Variants in RAP1GAP2 observed in about 807,000 individuals in gnomAD.
RAP1GAP2 encodes RAP1 GTPase activating protein 2.
RAP1GAP2 carries 27 observed loss-of-function variants against 95.0 expected under a neutral mutation model. That is an observed-to-expected ratio of 0.28 (90% CI 0.21 to 0.39). RAP1GAP2 has a LOEUF of 0.39. Among genes scored for constraint, RAP1GAP2 ranks in the 10% least tolerant of loss-of-function variants. The pLI is 1.00. For missense variants in RAP1GAP2, 771 were observed against 970.0 expected, an observed-to-expected ratio of 0.79 and a Z score of 2.72; for synonymous variants, 373 against 380.9, an observed-to-expected ratio of 0.98 and a Z score of 0.24.
chr17:2,823,763 A>G (rs779365392), intron 2 of RAP1GAP2, among the ~76,000 whole-genome samples: 2 of 152,188 alleles, frequency 1.3e-5, no homozygotes, highest in Non-Finnish European at 2.9e-5. Flanking sequence ...GCAGCGGGAA[A>G]GGGTGCAGAG....
At chr17:2,768,126 A>G (rs1175006857) in intron 1 of RAP1GAP2, among the ~76,000 whole-genome samples, 1 of 152,136 alleles carries the variant, frequency 6.6e-6, no homozygotes, top group African/African-American at 2.4e-5. Flanking sequence ...ATTATAGACA[A>G]TCCCACAGCA....
intron 2 of RAP1GAP2, among the ~76,000 whole-genome samples, chr17:2,892,315 T>G (rs1355699998): frequency 6.6e-6 from 1 of 152,184 alleles, no homozygotes; most frequent in African/African-American, 2.4e-5. Flanking sequence ...TCTTGTACTA[T>G]TTCCCTGCTA....
At chr17:2,770,813 G>C (rs2068375890) in intron 2 of RAP1GAP2, among the ~76,000 whole-genome samples, 1 of 152,172 alleles carries the variant, frequency 6.6e-6, no homozygotes. Flanking sequence ...GGCTGAGGTG[G>C]GTGGATCACT....
chr17:2,789,485 T>C (rs2068868600), intron 1 of RAP1GAP2, among the ~76,000 whole-genome samples: 1 of 151,876 alleles, frequency 6.6e-6, no homozygotes, highest in East Asian at 1.9e-4. Flanking sequence ...AGATGGACCT[T>C]ACTGAACAGA....
At chr17:2,826,330 G>C (rs181961083) in intron 2 of RAP1GAP2, among the ~76,000 whole-genome samples, 183 of 151,920 alleles carry the variant, frequency 1.2e-3, no homozygotes, top group African/African-American at 4.3e-3. Context: ...AACAGTAAGG[G>C]CAAAGGCTGC....
chr17:2,776,481 C>T (rs942477206), upstream of RAP1GAP2, among the ~76,000 whole-genome samples: 2 of 152,124 alleles, frequency 1.3e-5, no homozygotes, highest in African/African-American at 4.8e-5. Flanking sequence ...CCGGAGGAGC[C>T]GCCTTGGGCA....
chr17:2,954,902 C>CT (rs1465867955), intron 3 of RAP1GAP2, among the ~76,000 whole-genome samples: 1 of 152,114 alleles, frequency 6.6e-6, no homozygotes, highest in Non-Finnish European at 1.5e-5. Context: ...CTATCTCTAC[C>CT]TTTTTTCATT....
chr17:2,800,440 G>A (rs1188920080), intron 1 of RAP1GAP2, 75 bp from the exon 2 acceptor site: 2 of 1,060,084 alleles, frequency 1.9e-6, no homozygotes, highest in African/African-American at 3.0e-5. Flanking sequence ...CTGTCCCGGG[G>A]ACTCCTCCAT....
intron 2 of RAP1GAP2, among the ~76,000 whole-genome samples, chr17:2,880,095 C>T (rs1041580133): frequency 4.6e-5 from 7 of 152,184 alleles, no homozygotes; most frequent in South Asian, 2.1e-4. Flanking sequence ...AGCAGGGTGC[C>T]GTGGTGGCAG....
intron 1 of RAP1GAP2, among the ~76,000 whole-genome samples, chr17:2,787,473 CA>C (rs1208322961): frequency 6.6e-6 from 1 of 152,042 alleles, no homozygotes. Context: ...TGGGACTGGT[CA>C]CAAACTCCTG....
chr17:2,849,365 C>T (rs7216529), intron 2 of RAP1GAP2, among the ~76,000 whole-genome samples: 21 of 151,972 alleles, frequency 1.4e-4, no homozygotes, highest in South Asian at 2.1e-4. Flanking sequence ...GGTGGGGCGA[C>T]GAGGTGGCGT....
chr17:2,976,872 C>T (rs949426997), intron 8 of RAP1GAP2, among the ~76,000 whole-genome samples: 2 of 152,018 alleles, frequency 1.3e-5, no homozygotes, highest in South Asian at 2.1e-4. Flanking sequence ...TGGTGGCTCA[C>T]GCCTGTAATC....
intron 10 of RAP1GAP2, 68 bp from the exon 11 acceptor site, chr17:2,984,915 C>T (rs1196951496): frequency 5.0e-6 from 8 of 1,590,330 alleles, no homozygotes; most frequent in Non-Finnish European, 6.0e-6. Flanking sequence ...CTTCCCCTGC[C>T]ATGTGCTTCC....
At chr17:3,018,321 G>T in intron 18 of RAP1GAP2, 123 bp downstream of exon 18, 1 of 1,310,462 alleles carries the variant, frequency 7.6e-7, no homozygotes, top group South Asian at 1.5e-5. Flanking sequence ...GCTGGATGAT[G>T]GTGGGAAACT....
At chr17:2,852,989 T>G (rs1037161707) in intron 2 of RAP1GAP2, among the ~76,000 whole-genome samples, 1 of 150,702 alleles carries the variant, frequency 6.6e-6, no homozygotes, top group African/African-American at 2.4e-5. Flanking sequence ...CAGGCCCGGG[T>G]GGGCGCGGGG....
chr17:2,954,023 ATCT>A (rs1231992686), intron 3 of RAP1GAP2, among the ~76,000 whole-genome samples: 1 of 152,114 alleles, frequency 6.6e-6, no homozygotes, highest in African/African-American at 2.4e-5. Flanking sequence ...GCAAGCGCTC[ATCT>A]TCTTTCTGTC....
intron 8 of RAP1GAP2, among the ~76,000 whole-genome samples, chr17:2,977,609 G>A (rs924888255): frequency 1.3e-5 from 2 of 151,798 alleles, no homozygotes; most frequent in African/African-American, 4.8e-5. Context: ...GCTGGGCGTG[G>A]TGGCGCATGC....
chr17:2,844,984 C>T (rs759527671), intron 2 of RAP1GAP2, among the ~76,000 whole-genome samples: 3 of 152,166 alleles, frequency 2.0e-5, no homozygotes, highest in African/African-American at 4.8e-5. Flanking sequence ...CTGCAGTCCA[C>T]GGGGTGGTCC....
At chr17:2,955,288 G>A (rs577953644) in intron 3 of RAP1GAP2, among the ~76,000 whole-genome samples, 6 of 152,272 alleles carry the variant, frequency 3.9e-5, no homozygotes, top group African/African-American at 1.4e-4. Flanking sequence ...CCTTGCTCAC[G>A]CCTGTGATAG....
Sources: allele counts gnomAD v4.1 joint callset (sites outside exome capture counted in the v4.1 genomes callset), GRCh38; gene constraint gnomAD v4.1.1; transcripts MANE v1.5; gene names NCBI Gene and HGNC (gene_info 2026-07-23, HGNC 2026-07-21).